Variants in FAT3 observed in about 807,000 individuals in gnomAD.
The protein encoded by FAT3 is FAT atypical cadherin 3.
FAT3 carries 95 observed loss-of-function variants against 310.2 expected under a neutral mutation model. The ratio of observed to expected loss-of-function variants is 0.31; its 90% confidence interval spans 0.26 to 0.36. The LOEUF is 0.36. Ranked by LOEUF, FAT3 falls within the 10% of genes least tolerant of loss-of-function variation. The pLI, the probability that FAT3 is intolerant of heterozygous loss-of-function variation, is 1.00. For missense variants in FAT3, 5,408 were observed against 5,715.6 expected (o/e 0.95, Z 1.74); for synonymous variants, 2,314 against 2,192.9 (o/e 1.06, Z -1.54).
chr11:92,548,587 A>T (rs1237973228), intron 3 of FAT3, among the ~76,000 whole-genome samples: 1 of 152,256 alleles, frequency 6.6e-6, no homozygotes, highest in African/African-American at 2.4e-5. Flanking sequence ...GGGCACTTAT[A>T]ACAATTTTCA....
intron 1 of FAT3, among the ~76,000 whole-genome samples, chr11:92,337,677 A>G (rs965597050): frequency 2.6e-5 from 4 of 152,154 alleles, no homozygotes; most frequent in African/African-American, 9.7e-5. Context: ...GGTGATCCAT[A>G]TGCCTCGGCC....
chr11:92,475,981 TG>T (rs1172121979), intron 2 of FAT3, among the ~76,000 whole-genome samples: 1 of 152,166 alleles, frequency 6.6e-6, no homozygotes, highest in Non-Finnish European at 1.5e-5. Flanking sequence ...TAGTGATTTA[TG>T]AGACAGCTCA....
At chr11:92,359,976 G>A (rs561778782) in intron 2 of FAT3, among the ~76,000 whole-genome samples, 1,936 of 149,830 alleles carry the variant, frequency 0.013, 20 homozygotes, top group Middle Eastern at 0.034. Context: ...ATGATTTATA[G>A]TCCTTTGGGT....
At position 92,801,925 on chromosome 11, in the gene FAT3, C is replaced by G; in HGVS notation, c.8896+16C>G. The G allele has an allele frequency of 6.2e-7, 1 of 1,602,736 alleles. No individual in the cohort carries two copies. The highest frequency in any genetic ancestry group is 8.5e-7 in the Non-Finnish European group (1 of 1,172,152). On this transcript the variant is annotated intron_variant, in intron 10 of 27. Coordinates refer to ENST00000525166, the MANE Select transcript of FAT3 (RefSeq NM_001367949.2). ...CATATTACAGGTGAGTAAATACCCC[C>G]AGTTTTCATTATGTGCACTGCTTTA...
intron 2 of FAT3, among the ~76,000 whole-genome samples, chr11:92,446,032 A>G (rs1951200256): frequency 6.6e-6 from 1 of 152,220 alleles, no homozygotes; most frequent in African/African-American, 2.4e-5. Context: ...TTATGAATAT[A>G]TTAATCAGCC....
At chr11:92,807,963 CT>C (rs1947554193) in intron 12 of FAT3, among the ~76,000 whole-genome samples, 1 of 152,178 alleles carries the variant, frequency 6.6e-6, no homozygotes, top group Non-Finnish European at 1.5e-5. Flanking sequence ...TGAACAATAA[CT>C]GACTATTGAG....
chr11:92,415,264 G>T (rs1950382881), intron 2 of FAT3, among the ~76,000 whole-genome samples: 1 of 152,138 alleles, frequency 6.6e-6, no homozygotes, highest in Admixed American at 6.5e-5. Context: ...ATTAAAATGT[G>T]TTCTCGTTTG....
Position 92,790,029 on chromosome 11 carries a change from T to A in FAT3, c.4422T>A (p.Leu1474=). The A allele has an allele frequency of 3.7e-6, 6 of 1,613,842 alleles. No individual in the cohort carries two copies. Among genetic ancestry groups the A allele is most frequent in the Non-Finnish European group, 5.1e-6 (6 of 1,179,746 alleles). Residue 1474 remains leucine, a synonymous_variant, in exon 8 of 28, where the codon CTT becomes CTA. Transcript: ENST00000525166. ...ATGTGACAATTTCCGAGGATGTGCTTCCAGACACGGAGATCCTGCAGATTG... is the reference window on the plus strand; with the variant it reads ...ATGTGACAATTTCCGAGGATGTGCTACCAGACACGGAGATCCTGCAGATTG... ...NYDVTISEDV[L]PDTEILQIEA...
chr11:92,825,149 C>G (rs558113321), intron 13 of FAT3, among the ~76,000 whole-genome samples: 1 of 152,186 alleles, frequency 6.6e-6, no homozygotes, highest in African/African-American at 2.4e-5. Flanking sequence ...TCAGCACATG[C>G]ATTTGCAATG....
intron 3 of FAT3, among the ~76,000 whole-genome samples, chr11:92,551,944 T>C (rs1310010472): frequency 6.6e-6 from 1 of 152,252 alleles, no homozygotes; most frequent in Non-Finnish European, 1.5e-5. Context: ...TTTGGTATGC[T>C]CAGATAAATT....
At position 92,353,968 on chromosome 11, in the gene FAT3, A is replaced by G; in HGVS notation, c.1856A>G (p.Asn619Ser). Residue 619 changes from asparagine to serine, a missense_variant, in exon 2 of 28, where the codon AAT becomes AGT. Around this residue, in one of 5 missense-constraint regions of FAT3, gnomAD observed 4,588 missense variants for 4,809.8 expected, o/e 0.95. Coordinates refer to ENST00000525166, the MANE Select transcript of FAT3 (RefSeq NM_001367949.2). ...GTAAAGTACAAAATCATTTCTGGAA[A>G]TGAACTTGGCTTCTTTTATTTAAAC... is the stretch of plus-strand genomic sequence containing the variant. Reference protein sequence around the residue: ...ELVKYKIISGNELGFFYLNPD... With the variant: ...ELVKYKIISGSELGFFYLNPD... 1 of 1,612,732 alleles carries G rather than the reference A, an allele frequency of 6.2e-7. No homozygotes were observed. The highest frequency in any genetic ancestry group is 8.5e-7 in the Non-Finnish European group (1 of 1,179,090).
Position 92,800,927 on chromosome 11 carries a change from C to T in FAT3, c.7914C>T (p.Ser2638=). 1 of 1,612,628 alleles carries T rather than the reference C, an allele frequency of 6.2e-7. No homozygotes were observed. Among genetic ancestry groups the T allele is most frequent in the Non-Finnish European group, 8.5e-7 (1 of 1,179,358 alleles). ...GAGCAAATTCAAGGATTACTTATTC[C>T]CTCTATAGCGAGGCCTCTGTTTCAG... is the stretch of plus-strand genomic sequence containing the variant. ...DDGANSRITY[S]LYSEASVSVA... The change falls in exon 10 of 28, where the codon TCC becomes TCT. Residue 2638 remains serine, a synonymous_variant. Transcript: ENST00000525166.
chr11:92,875,908 T>C (rs1317664924), intron 22 of FAT3, among the ~76,000 whole-genome samples: 11 of 152,180 alleles, frequency 7.2e-5, no homozygotes, highest in Admixed American at 7.2e-4. Context: ...TATTTTAAAT[T>C]CTGATTTTCC....
chr11:92,323,262 T>C (rs1947674321), intron 1 of FAT3, among the ~76,000 whole-genome samples: 1 of 151,996 alleles, frequency 6.6e-6, no homozygotes, highest in Non-Finnish European at 1.5e-5. Context: ...TGTATATATA[T>C]ATTTGAAACA....
In FAT3 at chr11:92,883,366, A is replaced by G. The variant is rs531430479; in HGVS notation, c.12910A>G (p.Lys4304Glu). The G allele has an allele frequency of 6.2e-7, 1 of 1,606,064 alleles. No individual in the cohort carries two copies. Among genetic ancestry groups the G allele is most frequent in the African/African-American group, 1.3e-5 (1 of 74,912 alleles). The change falls in exon 24 of 28, where the codon AAG becomes GAG. Residue 4304 changes from lysine (K) to glutamate (E), a missense_variant. This residue lies in a region of FAT3 where 649 missense variants were observed against 666.2 expected (regional missense o/e 0.97). Transcript: ENST00000525166. This position sits in a 1 kb window ranked among gnomAD's most constrained non-coding sequence, Gnocchi z 4.2. ...CCGCTCCGACTGCGACTCCATCCGGAAGAATGGCTGGGACGCGGGAACTGA... is the reference window on the plus strand; with the variant it reads ...CCGCTCCGACTGCGACTCCATCCGGGAGAATGGCTGGGACGCGGGAACTGA... ...PCRSDCDSIR[K>E]NGWDAGTENK...
intron 1 of FAT3, among the ~76,000 whole-genome samples, chr11:92,340,595 T>A (rs1267752049): frequency 6.6e-6 from 1 of 152,200 alleles, no homozygotes; most frequent in Non-Finnish European, 1.5e-5. Context: ...AAGCTGATTG[T>A]CCTTGGTAAC....
chr11:92,316,316 G>A lies in FAT3; in HGVS notation c.-17-35780G>A, dbSNP rs577320175. Among the ~76,000 whole-genome samples the A allele has an allele frequency of 3.9e-5, 6 of 152,202 alleles. No individual in the cohort carries two copies. In the South Asian group the frequency reaches 8.3e-4, roughly 21 times the overall value. ...AGGAGTGAGATTTCAGTACTCAGACGCAATCTGTGCCCTAAGATAACATGC... is the reference window on the plus strand; with the variant it reads ...AGGAGTGAGATTTCAGTACTCAGACACAATCTGTGCCCTAAGATAACATGC... On this transcript the variant is annotated intron_variant, in intron 1 of 27. Transcript: ENST00000525166.
In FAT3 at chr11:92,768,595, A is replaced by G. The variant is rs574479560; in HGVS notation, c.4195+3506A>G. 9.9e-4 allele frequency among the ~76,000 whole-genome samples: 151 copies of G among 152,192 alleles called. 1 individual carries two copies. The highest frequency in any genetic ancestry group is 3.1e-3 in the African/African-American group (127 of 41,510). On this transcript the variant is annotated intron_variant, in intron 6 of 27. Transcript: ENST00000525166. The stretch of plus-strand genomic sequence containing the variant: ...CGCTCTCAAGATTTCCTGCTTATTT[A>G]TCTTCAGCCATGGAAACTCTCATCT...
intron 2 of FAT3, among the ~76,000 whole-genome samples, chr11:92,494,819 A>G (rs540299984): frequency 1.4e-4 from 21 of 152,148 alleles, no homozygotes; most frequent in South Asian, 2.1e-4. Flanking sequence ...ATAAAATCTT[A>G]TATTTCAAGG....
Sources: allele counts gnomAD v4.1 joint callset (sites outside exome capture counted in the v4.1 genomes callset), GRCh38; gene constraint gnomAD v4.1.1; regional missense constraint gnomAD v4.1.1; non-coding constraint Gnocchi (gnomAD v3.1); transcripts MANE v1.5; gene names NCBI Gene and HGNC (gene_info 2026-07-23, HGNC 2026-07-21).